Variants in DOCK4 observed in about 807,000 individuals in gnomAD.
DOCK4 encodes dedicator of cytokinesis protein 4.
DOCK4 carries 97 observed loss-of-function variants against 268.1 expected under a neutral mutation model. The ratio of observed to expected loss-of-function variants is 0.36; its 90% CI spans 0.31 to 0.43. DOCK4 has a LOEUF of 0.43. Ranked by LOEUF, DOCK4 falls within the 20% of genes least tolerant of loss-of-function variation. The pLI, the probability that DOCK4 is intolerant of heterozygous loss-of-function variation, is 1.00. For synonymous variants in DOCK4, 954 were observed against 887.2 expected, an observed-to-expected ratio of 1.08 and a Z score of -1.34; for missense variants, 2,145 against 2,455.7, an observed-to-expected ratio of 0.87 and a Z score of 2.67.
intron 30 of DOCK4, among the ~76,000 whole-genome samples, chr7:111,797,299 A>G (rs960715186): frequency 6.6e-6 from 1 of 152,198 alleles, no homozygotes; most frequent in Non-Finnish European, 1.5e-5. Context: ...GGAACCATCT[A>G]AAAATCCCCC....
At chr7:111,989,569 T>A (rs771006827) in intron 5 of DOCK4, among the ~76,000 whole-genome samples, 1 of 152,210 alleles carries the variant, frequency 6.6e-6, no homozygotes, top group Non-Finnish European at 1.5e-5. Context: ...CTAAAGCTGA[T>A]GAAATGGAAG....
intron 13 of DOCK4, among the ~76,000 whole-genome samples, chr7:111,903,175 G>A (rs1162293216): frequency 1.3e-5 from 2 of 152,176 alleles, no homozygotes; most frequent in Non-Finnish European, 2.9e-5. Context: ...GAGAATATCA[G>A]TGTGCCAGAT....
chr7:111,850,489 C>T (rs1458761331), intron 23 of DOCK4, among the ~76,000 whole-genome samples: 4 of 152,146 alleles, frequency 2.6e-5, no homozygotes, highest in South Asian at 4.1e-4. Flanking sequence ...AAAAGCCTGA[C>T]GTACTGTCCT....
intron 39 of DOCK4, among the ~76,000 whole-genome samples, chr7:111,762,571 T>C (rs964144919): frequency 2.0e-5 from 3 of 152,042 alleles, no homozygotes; most frequent in Non-Finnish European, 4.4e-5. Flanking sequence ...ATATGCTGTG[T>C]TTTGTTTACC....
chr7:111,885,948 A>C (rs992432204), intron 16 of DOCK4, among the ~76,000 whole-genome samples: 1 of 152,208 alleles, frequency 6.6e-6, no homozygotes, highest in Non-Finnish European at 1.5e-5. Flanking sequence ...ATCAGTTGGT[A>C]CAGCAATGAA....
intron 36 of DOCK4, among the ~76,000 whole-genome samples, chr7:111,771,436 G>C (rs991966394): frequency 3.9e-5 from 6 of 152,262 alleles, no homozygotes; most frequent in Non-Finnish European, 8.8e-5. Context: ...ACTCTTGCTG[G>C]TCTCTTTCTT....
At chr7:111,815,449 T>G (rs940234326) in intron 27 of DOCK4, among the ~76,000 whole-genome samples, 6 of 152,184 alleles carry the variant, frequency 3.9e-5, no homozygotes, top group African/African-American at 1.4e-4. Context: ...TTTCAATTTA[T>G]CCAAAACCAT....
At chr7:111,770,716 T>C (rs1200341470) in intron 36 of DOCK4, among the ~76,000 whole-genome samples, 2 of 152,270 alleles carry the variant, frequency 1.3e-5, no homozygotes, top group South Asian at 2.1e-4. Context: ...CAAATACTTA[T>C]GTTATTAATC....
chr7:111,976,998 A>G, intron 8 of DOCK4, 134 bp downstream of exon 8: 1 of 1,032,778 alleles, frequency 9.7e-7, no homozygotes, highest in East Asian at 2.7e-5. Flanking sequence ...TTAGAAACTC[A>G]GAGTTCTACT....
intron 12 of DOCK4, among the ~76,000 whole-genome samples, chr7:111,933,109 CGT>C (rs1562904394): frequency 1.6e-5 from 2 of 128,090 alleles, no homozygotes; most frequent in African/African-American, 6.0e-5. Flanking sequence ...CATATATATA[CGT>C]ATATACACAT....
At chr7:111,865,899 C>T (rs1461038808) in intron 22 of DOCK4, among the ~76,000 whole-genome samples, 1 of 152,244 alleles carries the variant, frequency 6.6e-6, no homozygotes, top group Non-Finnish European at 1.5e-5. Flanking sequence ...CAAGGAAATG[C>T]AGACATTAGT....
chr7:111,838,988 T>C (rs892558500), intron 25 of DOCK4, among the ~76,000 whole-genome samples: 3 of 152,222 alleles, frequency 2.0e-5, no homozygotes, highest in East Asian at 1.9e-4. Flanking sequence ...TTGGGCCTTG[T>C]TGGGTAGACA....
intron 1 of DOCK4, among the ~76,000 whole-genome samples, chr7:112,045,406 C>A (rs772820749): frequency 2.0e-5 from 3 of 152,154 alleles, no homozygotes; most frequent in Non-Finnish European, 4.4e-5. Flanking sequence ...ACTCCCTCCA[C>A]ATCATCATTT....
At chr7:111,902,335 T>C (rs1227385430) in intron 13 of DOCK4, among the ~76,000 whole-genome samples, 2 of 152,230 alleles carry the variant, frequency 1.3e-5, no homozygotes, top group Non-Finnish European at 2.9e-5. Context: ...TGTAGAATAA[T>C]TCCGTCATAC....
chr7:111,972,956 C>T (rs775169220), intron 8 of DOCK4, among the ~76,000 whole-genome samples: 3 of 151,756 alleles, frequency 2.0e-5, no homozygotes, highest in African/African-American at 7.2e-5. Context: ...CCACCCTTTC[C>T]CTGGAGTTCA....
chr7:111,813,587 T>C (rs1801311269), intron 27 of DOCK4, among the ~76,000 whole-genome samples: 1 of 152,214 alleles, frequency 6.6e-6, no homozygotes, highest in South Asian at 2.1e-4. Context: ...ATATGTCATA[T>C]GTACCTTTCA....
At chr7:112,117,088 C>T (rs75590860) in intron 1 of DOCK4, among the ~76,000 whole-genome samples, 4,056 of 152,298 alleles carry the variant, frequency 0.027, 157 homozygotes, top group East Asian at 0.2. Context: ...TGTGCACACA[C>T]TTTAAAACAT....
In DOCK4 at chr7:111,746,395, A is replaced by G; in HGVS notation, c.4616T>C (p.Ile1539Thr). 6.2e-7 allele frequency: 1 copy of G among 1,611,918 alleles called. No homozygotes were observed. Among genetic ancestry groups the G allele is most frequent in the Non-Finnish European group, 8.5e-7 (1 of 1,178,900 alleles). Reference protein sequence around the residue: ...YQEAFFVKEYILSHPEDGEKI... With the variant: ...YQEAFFVKEYTLSHPEDGEKI... ...CTCCCCATCTTCAGGGTGACTTAAG[A>G]TATATTCTTTGACAAAGAATGCCTA... is the stretch of plus-strand genomic sequence containing the variant. The change falls in exon 44 of 53, where the codon ATC (isoleucine) becomes ACC (threonine). Residue 1539 changes from isoleucine (I) to threonine (T), a missense_variant. Physicochemically the swap from Ile to Thr is moderately conservative, Grantham distance 89. This residue lies in a region of DOCK4 where 1,598 missense variants were observed against 1,986.7 expected (regional missense o/e 0.80). Transcript: ENST00000428084.
chr7:111,750,492 C>T (rs1026520250), intron 42 of DOCK4, among the ~76,000 whole-genome samples: 3 of 152,128 alleles, frequency 2.0e-5, no homozygotes, highest in Admixed American at 6.5e-5. Context: ...GTTTCATAAT[C>T]GACACTTCAT....
Sources: gnomAD v4.1 joint callset for allele counts (sites outside exome capture counted in the v4.1 genomes callset) on GRCh38, gnomAD v4.1.1 for gene constraint, gnomAD v4.1.1 regional missense constraint, MANE v1.5 for transcripts, NCBI Gene and HGNC (gene_info 2026-07-23, HGNC 2026-07-21) for gene names.